EPB41L2: variants seen among roughly 807,000 people sequenced by gnomAD.
EPB41L2 encodes the protein band 4.1-like protein 2.
EPB41L2 carries 43 observed loss-of-function variants against 113.0 expected under a neutral mutation model. That is an observed-to-expected ratio of 0.38 (90% CI 0.30 to 0.49). The LOEUF is 0.49. EPB41L2 is among the 20% of genes least tolerant of loss of function. The pLI is 0.95. For synonymous variants in EPB41L2, 442 were observed against 436.7 expected (o/e 1.01, Z -0.15); for missense variants, 1,147 against 1,223.4 (o/e 0.94, Z 0.93).
chr6:130,979,112 A>C (rs970802541), intron 1 of EPB41L2, among the ~76,000 whole-genome samples: 3 of 152,208 alleles, frequency 2.0e-5, no homozygotes, highest in Non-Finnish European at 4.4e-5. Flanking sequence ...TCTATTCTGC[A>C]GGCAATAAGA....
intron 1 of EPB41L2, among the ~76,000 whole-genome samples, chr6:131,052,998 C>T (rs751394510): frequency 3.9e-5 from 6 of 152,030 alleles, no homozygotes; most frequent in East Asian, 3.9e-4. Context: ...TGGGTTCAAG[C>T]GATTCTCCTT....
At position 130,956,147 on chromosome 6, in the gene EPB41L2, A is replaced by G. The variant is rs370569985; in HGVS notation, c.339T>C (p.Asp113=). 322 of 1,614,014 alleles carry G rather than the reference A, an allele frequency of 2.0e-4. No homozygotes were observed. Among genetic ancestry groups the G allele is most frequent in the Middle Eastern group, 6.6e-4 (4 of 6,062 alleles). ...TQAVVEEQVL[D]KEEPLPEEQR... is the part of the protein sequence containing the mutation. Reference sequence around the variant, plus strand: ...GTTCTTCTGGAAGGGGTTCCTCTTTATCTAAGACCTGTTCTTCAACAACAG... The same window carrying G: ...GTTCTTCTGGAAGGGGTTCCTCTTTGTCTAAGACCTGTTCTTCAACAACAG... The change falls in exon 2 of 20, where the codon GAT becomes GAC. Residue 113 remains aspartate, a synonymous_variant. Transcript: ENST00000337057.
intron 1 of EPB41L2, among the ~76,000 whole-genome samples, chr6:131,005,034 C>T (rs1468954016): frequency 1.3e-5 from 2 of 152,198 alleles, no homozygotes; most frequent in African/African-American, 2.4e-5. Context: ...TTTTTACTTA[C>T]ATTCCAAAGG....
At chr6:130,848,350 G>C (rs1184463316) in intron 19 of EPB41L2, among the ~76,000 whole-genome samples, 1 of 151,880 alleles carries the variant, frequency 6.6e-6, no homozygotes, top group Non-Finnish European at 1.5e-5. Flanking sequence ...TGCAAGCAAT[G>C]AATGTGAGCC....
rs1263699649 is a variant in EPB41L2 at position 130,867,339 on chromosome 6, T to C, written c.2730+120A>G. On this transcript the variant is annotated intron_variant, in intron 16 of 19. Coordinates refer to ENST00000337057, the MANE Select transcript of EPB41L2 (RefSeq NM_001431.4). Reference sequence around the variant, plus strand: ...ATGTTGTTGAAGTACACTTACAAAGTGCAGATACAAAAAGCTACATCAAAG... The same window carrying C: ...ATGTTGTTGAAGTACACTTACAAAGCGCAGATACAAAAAGCTACATCAAAG... The C allele has an allele frequency of 2.5e-5, 32 of 1,262,974 alleles. 1 individual carries two copies. The highest frequency in any genetic ancestry group is 1.9e-5 in the Non-Finnish European group (17 of 910,452). The allele number at this position is 1,262,974 out of a possible 1,614,324, so 78.2% of individuals were successfully genotyped here.
intron 4 of EPB41L2, among the ~76,000 whole-genome samples, chr6:130,915,635 T>C (rs555653621): frequency 2.6e-5 from 4 of 152,306 alleles, no homozygotes; most frequent in African/African-American, 7.2e-5. Flanking sequence ...CATAATGATA[T>C]GGTTTGGCTC....
At chr6:131,023,412 C>T (rs561804652) in intron 1 of EPB41L2, among the ~76,000 whole-genome samples, 1 of 152,196 alleles carries the variant, frequency 6.6e-6, no homozygotes, top group South Asian at 2.1e-4. Flanking sequence ...AGGCTGGGCA[C>T]GGTGGCTCAC....
chr6:130,894,639 G>A (rs546777347), intron 9 of EPB41L2, among the ~76,000 whole-genome samples, 198 bp from the exon 10 acceptor site: 5 of 152,118 alleles, frequency 3.3e-5, no homozygotes, highest in South Asian at 2.1e-4. Flanking sequence ...AAGTAACAAC[G>A]GCTCACATAA....
chr6:130,914,972 A>G (rs962483676), intron 4 of EPB41L2, among the ~76,000 whole-genome samples: 5 of 152,228 alleles, frequency 3.3e-5, no homozygotes, highest in African/African-American at 1.2e-4. Context: ...CAACAGAAGT[A>G]AAATAAAATT....
At chr6:130,918,344 G>A (rs3822861) in intron 4 of EPB41L2, among the ~76,000 whole-genome samples, 51,380 of 151,834 alleles carry the variant, frequency 0.34, 12,090 homozygotes, top group African/African-American at 0.66. Flanking sequence ...GCAAAATGAC[G>A]TTATAATGTC....
chr6:131,023,256 C>T (rs6569718), intron 1 of EPB41L2, among the ~76,000 whole-genome samples: 4 of 152,090 alleles, frequency 2.6e-5, no homozygotes, highest in African/African-American at 7.2e-5. Flanking sequence ...CTACCCTAAA[C>T]GTTTATAAAG....
At chr6:131,035,124 T>A (rs1793021901) in intron 1 of EPB41L2, among the ~76,000 whole-genome samples, 1 of 152,188 alleles carries the variant, frequency 6.6e-6, no homozygotes, top group South Asian at 2.1e-4. Flanking sequence ...GAGACCTCTG[T>A]TGGCTAAAAC....
At chr6:131,040,019 G>C (rs1319380149) in intron 1 of EPB41L2, among the ~76,000 whole-genome samples, 5 of 152,196 alleles carry the variant, frequency 3.3e-5, no homozygotes, top group Non-Finnish European at 5.9e-5. Context: ...TAATGAAATT[G>C]AAGAAATAAT....
intron 3 of EPB41L2, among the ~76,000 whole-genome samples, chr6:130,945,128 T>C (rs909843383): frequency 6.6e-6 from 1 of 152,202 alleles, no homozygotes; most frequent in Non-Finnish European, 1.5e-5. Context: ...ACTATTTTTA[T>C]GGAATCTTAT....
chr6:131,001,544 G>A (rs551500036), intron 1 of EPB41L2, among the ~76,000 whole-genome samples: 3 of 151,980 alleles, frequency 2.0e-5, no homozygotes, highest in Non-Finnish European at 4.4e-5. Flanking sequence ...GACAGTTTCC[G>A]TCATCTTTCT....
At position 131,005,233 on chromosome 6, in the gene EPB41L2, A is replaced by G. The variant is rs1785223633; in HGVS notation, c.-14-48734T>C. On this transcript the variant is annotated intron_variant, in intron 1 of 19. Coordinates refer to ENST00000337057, the MANE Select transcript of EPB41L2 (RefSeq NM_001431.4). Reference sequence around the variant, plus strand: ...TCTAAAAAGTAGTCAGTTTTCAATTATCTACTGCTGGTGATGTGGTTTATA... The same window carrying G: ...TCTAAAAAGTAGTCAGTTTTCAATTGTCTACTGCTGGTGATGTGGTTTATA... Among the ~76,000 whole-genome samples the G allele has an allele frequency of 6.0e-5, 9 of 150,932 alleles. No homozygotes were observed. In the South Asian group the frequency reaches 1.5e-3, roughly 25 times the overall value.
chr6:130,844,285 G>A (rs1257666966), intron 19 of EPB41L2, among the ~76,000 whole-genome samples: 2 of 152,202 alleles, frequency 1.3e-5, no homozygotes, highest in Non-Finnish European at 2.9e-5. Context: ...ACTTAAGGCT[G>A]GGCATGGTGG....
chr6:130,916,974 T>C (rs1356618974), intron 4 of EPB41L2, among the ~76,000 whole-genome samples: 1 of 152,232 alleles, frequency 6.6e-6, no homozygotes, highest in Non-Finnish European at 1.5e-5. Context: ...TTCTAATTTT[T>C]GACAGCTTCC....
intron 4 of EPB41L2, among the ~76,000 whole-genome samples, chr6:130,916,314 T>A (rs1801072133): frequency 6.6e-6 from 1 of 152,242 alleles, no homozygotes; most frequent in South Asian, 2.1e-4. Context: ...GCCACAAATC[T>A]GAGGATGAAA....
Sources: allele counts gnomAD v4.1 joint callset (sites outside exome capture counted in the v4.1 genomes callset), GRCh38; gene constraint gnomAD v4.1.1; transcripts MANE v1.5; gene names NCBI Gene and HGNC (gene_info 2026-07-23, HGNC 2026-07-21).